NLGN1: variants seen among roughly 807,000 people sequenced by gnomAD.
NLGN1 encodes neuroligin 1.
NLGN1 carries 12 observed loss-of-function variants against 65.5 expected under a neutral mutation model. The observed-to-expected ratio is 0.18, with a 90% confidence interval of 0.12 to 0.30. NLGN1 has a LOEUF of 0.30. NLGN1 is among the 10% of genes least tolerant of loss of function. The pLI is 1.00. For synonymous variants in NLGN1, 350 were observed against 359.5 expected (o/e 0.97, Z 0.30); for missense variants, 750 against 1,007.1 (o/e 0.74, Z 3.46).
chr3:174,048,161 G>A (rs543901414), intron 4 of NLGN1, among the ~76,000 whole-genome samples: 11 of 152,164 alleles, frequency 7.2e-5, no homozygotes, highest in Admixed American at 2.0e-4. Context: ...TCAACACATC[G>A]TTGCTATAAA....
chr3:174,089,892 A>G (rs1744164390), intron 4 of NLGN1, among the ~76,000 whole-genome samples: 1 of 129,264 alleles, frequency 7.7e-6, no homozygotes, highest in African/African-American at 3.3e-5. Flanking sequence ...CTGCATAAAC[A>G]GGCTTTTTTT....
At chr3:174,086,258 C>CATATATATATTTATGTATGTGCATAAAT (rs1743296237) in intron 4 of NLGN1, among the ~76,000 whole-genome samples, 2 of 1,814 alleles carry the variant, frequency 1.1e-3, no homozygotes, top group African/African-American at 3.8e-3. Context: ...TATGTGCATA[C>CATATATATATTTATGTATGTGCATAAAT]ATATATATAT....
At chr3:173,755,466 A>G (rs1776954195) in intron 3 of NLGN1, among the ~76,000 whole-genome samples, 1 of 152,116 alleles carries the variant, frequency 6.6e-6, no homozygotes, top group African/African-American at 2.4e-5. Context: ...ATAATTGCCT[A>G]TTTCACTTGA....
intron 4 of NLGN1, among the ~76,000 whole-genome samples, chr3:173,826,779 T>C (rs1452773455): frequency 6.6e-6 from 1 of 152,052 alleles, no homozygotes; most frequent in Non-Finnish European, 1.5e-5. Context: ...TATATTATAC[T>C]GGTAAATGCA....
intron 2 of NLGN1, among the ~76,000 whole-genome samples, chr3:173,586,622 T>A (rs1416380581): frequency 2.0e-5 from 3 of 152,246 alleles, no homozygotes; most frequent in Non-Finnish European, 4.4e-5. Context: ...TCAGTAGACG[T>A]TGTGTAGGCT....
chr3:173,836,464 C>A (rs1016272961), intron 4 of NLGN1, among the ~76,000 whole-genome samples: 3 of 151,990 alleles, frequency 2.0e-5, no homozygotes, highest in African/African-American at 7.2e-5. Context: ...AATTTACATG[C>A]AAATCAGAGG....
In NLGN1 at chr3:174,045,362, C is replaced by T. The variant is rs570928489; in HGVS notation, c.647-229953C>T. ...TGACAGCAGGAAGGAGAAGAATGAG[C>T]GAAGAGGGGAAAAGCCCCTCATAAA... is the stretch of plus-strand genomic sequence containing the variant. On this transcript the variant is annotated intron_variant, in intron 4 of 6. Transcript: ENST00000457714. Among the ~76,000 whole-genome samples, 38 of 152,086 alleles carry T rather than the reference C, an allele frequency of 2.5e-4. No homozygotes were observed. The South Asian group carries it at 7.3e-3, about 29-fold the overall frequency.
intron 3 of NLGN1, among the ~76,000 whole-genome samples, chr3:173,629,591 A>C (rs1311889723): frequency 6.6e-6 from 1 of 152,166 alleles, no homozygotes; most frequent in Non-Finnish European, 1.5e-5. Flanking sequence ...TCTAGGTAAC[A>C]ATAGGTCATA....
At chr3:173,517,577 C>G (rs1000963676) in intron 2 of NLGN1, among the ~76,000 whole-genome samples, 1 of 152,040 alleles carries the variant, frequency 6.6e-6, no homozygotes, top group African/African-American at 2.4e-5. Context: ...TCCTCTGTCA[C>G]CCAGTCATGC....
At chr3:174,031,517 C>T (rs747605587) in intron 4 of NLGN1, among the ~76,000 whole-genome samples, 24 of 151,978 alleles carry the variant, frequency 1.6e-4, no homozygotes, top group Admixed American at 4.6e-4. Context: ...CAGGAGAAAA[C>T]GACAACAAGC....
At chr3:173,996,664 G>A (rs953955447) in intron 4 of NLGN1, among the ~76,000 whole-genome samples, 6 of 152,116 alleles carry the variant, frequency 3.9e-5, no homozygotes, top group East Asian at 1.9e-4. Context: ...CACCAAGTAC[G>A]CTTGAACATT....
chr3:174,095,883 C>G, intron 4 of NLGN1, among the ~76,000 whole-genome samples: 1 of 151,926 alleles, frequency 6.6e-6, no homozygotes, highest in South Asian at 2.1e-4. Context: ...GCCTGTAGTC[C>G]TGGCTACTCG....
At chr3:173,673,764 G>T (rs1762766200) in intron 3 of NLGN1, among the ~76,000 whole-genome samples, 1 of 151,978 alleles carries the variant, frequency 6.6e-6, no homozygotes, top group Non-Finnish European at 1.5e-5. Flanking sequence ...TGGTAGAAAG[G>T]TGTCCAGGTT....
chr3:173,704,156 C>A (rs1767682271), intron 3 of NLGN1, among the ~76,000 whole-genome samples: 1 of 152,152 alleles, frequency 6.6e-6, no homozygotes, highest in South Asian at 2.1e-4. Flanking sequence ...GCAAAAACTA[C>A]TTGGTTTGGG....
intron 3 of NLGN1, among the ~76,000 whole-genome samples, chr3:173,791,009 G>A (rs1202154651): frequency 6.6e-6 from 1 of 152,062 alleles, no homozygotes; most frequent in African/African-American, 2.4e-5. Flanking sequence ...ACCTTTTAGA[G>A]TCTTACACTT....
chr3:174,233,264 G>A (rs1376742075), intron 4 of NLGN1, among the ~76,000 whole-genome samples: 2 of 151,896 alleles, frequency 1.3e-5, no homozygotes, highest in East Asian at 1.9e-4. Flanking sequence ...GGAGGAGTTC[G>A]ACCTGAGGTT....
At chr3:173,749,195 T>C (rs1206209074) in intron 3 of NLGN1, among the ~76,000 whole-genome samples, 4 of 152,040 alleles carry the variant, frequency 2.6e-5, no homozygotes, top group Non-Finnish European at 4.4e-5. Flanking sequence ...TAAAGACCTT[T>C]TTGCTATAAC....
intron 4 of NLGN1, among the ~76,000 whole-genome samples, chr3:173,864,468 G>T (rs1412852410): frequency 1.3e-5 from 2 of 152,112 alleles, no homozygotes; most frequent in Non-Finnish European, 2.9e-5. Flanking sequence ...CGTTGAAGGG[G>T]GAAATCATAA....
chr3:173,897,183 C>T (rs1736489125), intron 4 of NLGN1, among the ~76,000 whole-genome samples: 1 of 152,178 alleles, frequency 6.6e-6, no homozygotes, highest in Admixed American at 6.5e-5. Flanking sequence ...ACATTTTTCA[C>T]TCTTTTGCTG....
Sources: gnomAD v4.1 joint callset for allele counts (sites outside exome capture counted in the v4.1 genomes callset) on GRCh38, gnomAD v4.1.1 for gene constraint, MANE v1.5 for transcripts, NCBI Gene and HGNC (gene_info 2026-07-23, HGNC 2026-07-21) for gene names.